The following FAT2 variants were observed in gnomAD, a reference collection of about 807,000 sequenced individuals.
FAT2 encodes the protein protocadherin Fat 2.
FAT2 carries 150 observed loss-of-function variants against 295.3 expected under a neutral mutation model. That is an observed-to-expected ratio of 0.51 (90% CI 0.44 to 0.58). The LOEUF (loss-of-function observed/expected upper bound fraction) is 0.58. FAT2 is among the 20% of genes least tolerant of loss of function. The probability of loss-of-function intolerance (pLI) is 0.00; values close to 1 mark genes in which losing one functional copy is unlikely to be tolerated. For synonymous variants in FAT2, 2,026 were observed against 2,150.3 expected, an observed-to-expected ratio of 0.94 and a Z score of 1.60; for missense variants, 4,868 against 5,442.7, an observed-to-expected ratio of 0.89 and a Z score of 3.32.
At chr5:151,587,803 T>C (rs1224617677) in intron 1 of FAT2, among the ~76,000 whole-genome samples, 1 of 152,198 alleles carries the variant, frequency 6.6e-6, no homozygotes, top group Non-Finnish European at 1.5e-5. Flanking sequence ...GAGTCTCTAT[T>C]CATGGTCTCC....
Position 151,510,050 on chromosome 5 carries a change from A to G in FAT2, c.12030T>C (p.Cys4010=). ...TCILSPKGAS[C]NCPHPYTGDR... is the part of the protein sequence containing the mutation. ...CTCCTGTGTAAGGATGAGGGCAGTTACAGGAAGCTCCTTTGGGGGAGAGGA... is the reference window on the plus strand; with the variant it reads ...CTCCTGTGTAAGGATGAGGGCAGTTGCAGGAAGCTCCTTTGGGGGAGAGGA... The change falls in exon 22 of 24, where the codon TGT becomes TGC. Residue 4010 remains cysteine, a synonymous_variant. Coordinates refer to ENST00000261800, the MANE Select transcript of FAT2 (RefSeq NM_001447.3). The G allele has an allele frequency of 6.2e-7, 1 of 1,614,124 alleles. No homozygotes were observed. The highest frequency in any genetic ancestry group is 1.1e-5 in the South Asian group (1 of 91,070).
chr5:151,588,409 C>G (rs1350308600), intron 1 of FAT2, among the ~76,000 whole-genome samples: 2 of 152,220 alleles, frequency 1.3e-5, no homozygotes, highest in African/African-American at 4.8e-5. Context: ...TGACCTTAGT[C>G]AAGTTACCAG....
chr5:151,539,045 G>A (rs1755821024), intron 11 of FAT2, among the ~76,000 whole-genome samples: 2 of 152,022 alleles, frequency 1.3e-5, no homozygotes, highest in South Asian at 4.2e-4. Context: ...CCATCTCCGG[G>A]AGGGCCAGGG....
rs2127579513 is a variant in FAT2, at chr5:151,521,476, G to A, written c.11117C>T (p.Ser3706Leu). The stretch of plus-strand genomic sequence containing the variant: ...CACTGAATGCTCCATCTCCTTGGCT[G>A]AGTGAGTGATGATGGATGCTAGCTC... ...FQELASIITH[S>L]AKEMEHSVGV... Residue 3706 changes from serine to leucine, a missense_variant, in exon 19 of 24, where the codon TCA (serine) becomes TTA (leucine). Around this residue, in one of 5 missense-constraint regions of FAT2, gnomAD observed 1,046 missense variants for 1,210.1 expected, o/e 0.86. Transcript: ENST00000261800. 2.5e-6 allele frequency: 4 copies of A among 1,614,252 alleles called. No individual in the cohort carries two copies. Among genetic ancestry groups the A allele is most frequent in the Non-Finnish European group, 3.4e-6 (4 of 1,180,034 alleles).
At position 151,528,003 on chromosome 5, in the gene FAT2, C is replaced by T. The variant is rs61738800; in HGVS notation, c.10157G>A (p.Arg3386Gln). The T allele has an allele frequency of 3.5e-5, 57 of 1,613,986 alleles. No individual in the cohort carries two copies. In the African/African-American group the frequency reaches 6.3e-4, roughly 18 times the overall value. The change falls in exon 16 of 24, where the codon CGG (arginine) becomes CAG (glutamine). Residue 3386 changes from arginine (R) to glutamine (Q), a missense_variant. This residue lies in a region of FAT2 where 1,046 missense variants were observed against 1,210.1 expected (regional missense o/e 0.86). Transcript: ENST00000261800. ...CCCTCCCACATGACTCACCTGTTCC[C>T]GGTCCAGGGCCTTGGCCACCTGTAG... is the stretch of plus-strand genomic sequence containing the variant. Reference protein sequence around the residue: ...GELQVAKALDREQASSYSLKL... With the variant: ...GELQVAKALDQEQASSYSLKL...
chr5:151,519,355 C>T (rs1371671283), intron 19 of FAT2, among the ~76,000 whole-genome samples: 1 of 152,108 alleles, frequency 6.6e-6, no homozygotes, highest in South Asian at 2.1e-4. Flanking sequence ...AAAACAAAAA[C>T]AAAAATCCAA....
rs570639324 is a variant in FAT2 at position 151,544,571 on chromosome 5, G to C, written c.6556C>G (p.Leu2186Val). Residue 2186 changes from leucine (L) to valine (V), a missense_variant, in exon 10 of 24, where the codon CTC (leucine) becomes GTC (valine). Coordinates refer to ENST00000261800, the MANE Select transcript of FAT2 (RefSeq NM_001447.3). ...YKVRVPENIT[L>V]YTPILHTQAR... ...TGGGTGTGGAGAATTGGGGTATAGA[G>C]GGTGATATTTTCAGGTACTCTGACT... The C allele has an allele frequency of 6.2e-7, 1 of 1,614,070 alleles. No homozygotes were observed. Among genetic ancestry groups the C allele is most frequent in the Admixed American group, 1.7e-5 (1 of 60,020 alleles).
chr5:151,516,262 C>G (rs1456668727), intron 20 of FAT2, among the ~76,000 whole-genome samples: 1 of 152,222 alleles, frequency 6.6e-6, no homozygotes, highest in African/African-American at 2.4e-5. Flanking sequence ...ATAATCCCAG[C>G]ACTTTGGGAG....
In FAT2 at chr5:151,565,739, C is replaced by A; in HGVS notation, c.3193G>T (p.Gly1065Trp). Residue 1065 changes from glycine (G) to tryptophan (W), a missense_variant, in exon 2 of 24, where the codon GGG (glycine) becomes TGG (tryptophan). This residue lies in a region of FAT2 where 3,297 missense variants were observed against 3,669.4 expected (regional missense o/e 0.90). Transcript: ENST00000261800. Reference protein sequence around the residue: ...AAQDDDSGLDGELQYFLRAGT... With the variant: ...AAQDDDSGLDWELQYFLRAGT... ...GCACGCAGGAAGTACTGGAGCTCCCCATCCAAGCCACTGTCATCGTCCTGG... is the reference window on the plus strand; with the variant it reads ...GCACGCAGGAAGTACTGGAGCTCCCAATCCAAGCCACTGTCATCGTCCTGG... The A allele has an allele frequency of 6.2e-7, 1 of 1,613,966 alleles. No homozygotes were observed. Among genetic ancestry groups the A allele is most frequent in the African/African-American group, 1.3e-5 (1 of 75,002 alleles).
intron 1 of FAT2, among the ~76,000 whole-genome samples, chr5:151,581,580 G>A (rs1758957868): frequency 6.6e-6 from 1 of 152,230 alleles, no homozygotes; most frequent in Admixed American, 6.5e-5. Flanking sequence ...TTGGGTGCCA[G>A]GCCCTGTGGT....
At chr5:151,525,707 G>T (rs932184095) in intron 18 of FAT2, 61 bp downstream of exon 18, 3 of 1,585,494 alleles carry the variant, frequency 1.9e-6, no homozygotes, top group Non-Finnish European at 1.7e-6. Context: ...CACTGGTGGG[G>T]CTTTTGCCAG....
chr5:151,572,030 G>C (rs576991638), intron 1 of FAT2, among the ~76,000 whole-genome samples: 1 of 152,220 alleles, frequency 6.6e-6, no homozygotes, highest in Non-Finnish European at 1.5e-5. Context: ...ATTCCTTCTT[G>C]TCATTCAGTT....
At chr5:151,587,161 CAAAACAAAAAA>C (rs1253275103) in intron 1 of FAT2, among the ~76,000 whole-genome samples, 2 of 138,000 alleles carry the variant, frequency 1.4e-5, no homozygotes, top group Admixed American at 7.0e-5. Flanking sequence ...AAAAACAAAA[CAAAACAAAAAA>C]AAAACAAAAA....
Position 151,565,914 on chromosome 5 carries a change from C to A in FAT2, c.3018G>T (p.Arg1006Ser), listed in dbSNP as rs764080414. ...GGCAGAGAGTCCTGCGGGCTAGGGG[C>A]CTCCCACCATCACTGGCCCACAGGC... is the stretch of plus-strand genomic sequence containing the variant. ...NLSLWASDGG[R>S]PLARRTLCHV... is the part of the protein sequence containing the mutation. Residue 1006 changes from arginine (R) to serine (S), a missense_variant, in exon 2 of 24, where the codon AGG (arginine) becomes AGT (serine). By Grantham distance (110) the Arg-to-Ser change is moderately radical. This residue lies in a region of FAT2 where 3,297 missense variants were observed against 3,669.4 expected (regional missense o/e 0.90). Coordinates refer to ENST00000261800, the MANE Select transcript of FAT2 (RefSeq NM_001447.3). 4 of 1,613,842 alleles carry A rather than the reference C, an allele frequency of 2.5e-6. No homozygotes were observed. Among genetic ancestry groups the A allele is most frequent in the Non-Finnish European group, 2.5e-6 (3 of 1,180,022 alleles).
In FAT2 at chr5:151,543,997, G is replaced by A; in HGVS notation, c.7130C>T (p.Pro2377Leu). Reference sequence around the variant, plus strand: ...TTCATATTGAGGTTGTCTGAACTCTGGGGGGTTGTCATTGATATCAGACAC... The same window carrying A: ...TTCATATTGAGGTTGTCTGAACTCTAGGGGGTTGTCATTGATATCAGACAC... ...VNVSDINDNP[P>L]EFRQPQYEAN... The change falls in exon 10 of 24, where the codon CCA becomes CTA. Residue 2377 changes from proline (P) to leucine (L), a missense_variant. Pro to Leu is a moderately conservative substitution (Grantham distance 98). Around this residue, in one of 5 missense-constraint regions of FAT2, gnomAD observed 3,297 missense variants for 3,669.4 expected, o/e 0.90. Transcript: ENST00000261800. 1 of 1,614,192 alleles carries A rather than the reference G, an allele frequency of 6.2e-7. No homozygotes were observed. The highest frequency in any genetic ancestry group is 8.5e-7 in the Non-Finnish European group (1 of 1,180,038).
chr5:151,537,855 G>A lies in FAT2; in HGVS notation c.9131C>T (p.Ala3044Val), dbSNP rs1755622890. 6.2e-7 allele frequency: 1 copy of A among 1,614,126 alleles called. No homozygotes were observed. Among genetic ancestry groups the A allele is most frequent in the South Asian group, 1.1e-5 (1 of 91,074 alleles). ...GCCATGCAGAGAATATGTGATCTGA[G>A]CATTGGTATCAGTGTCCAAGTCTGT... Reference protein sequence around the residue: ...SATDLDTDTNAQITYSLHGPG... With the variant: ...SATDLDTDTNVQITYSLHGPG... The change falls in exon 12 of 24, where the codon GCT becomes GTT. Residue 3044 changes from alanine to valine, a missense_variant. This residue lies in a region of FAT2 where 1,046 missense variants were observed against 1,210.1 expected (regional missense o/e 0.86). Coordinates refer to ENST00000261800, the MANE Select transcript of FAT2 (RefSeq NM_001447.3).
At chr5:151,536,691 T>A (rs1163786691) in intron 12 of FAT2, among the ~76,000 whole-genome samples, 1 of 152,244 alleles carries the variant, frequency 6.6e-6, no homozygotes, top group Non-Finnish European at 1.5e-5. Flanking sequence ...ACCCATCCAC[T>A]GAGCCAGACC....
intron 16 of FAT2, 112 bp from the exon 17 acceptor site, chr5:151,527,489 G>A: frequency 9.2e-7 from 1 of 1,088,308 alleles, no homozygotes; most frequent in Non-Finnish European, 1.3e-6. Context: ...ACTTTCCTAT[G>A]CCCACCCCCA....
Position 151,507,248 on chromosome 5 carries a change from G to A in FAT2, c.12423C>T (p.Val4141=). 6.2e-7 allele frequency: 1 copy of A among 1,614,194 alleles called. No individual in the cohort carries two copies. The highest frequency in any genetic ancestry group is 8.5e-7 in the Non-Finnish European group (1 of 1,180,012). ...FGPNSKQRPV[V]CSVPPRLPPA... ...GCGGGAGTCTGGGGGGCACACTGCA[G>A]ACCACTGGCCGTTGCTTAGAATTGG... is the stretch of plus-strand genomic sequence containing the variant. The change falls in exon 23 of 24, where the codon GTC becomes GTT. Residue 4141 remains valine (V), a synonymous_variant. Coordinates refer to ENST00000261800, the MANE Select transcript of FAT2 (RefSeq NM_001447.3).
Sources: gnomAD v4.1 joint callset for allele counts (sites outside exome capture counted in the v4.1 genomes callset) on GRCh38, gnomAD v4.1.1 for gene constraint, gnomAD v4.1.1 regional missense constraint, MANE v1.5 for transcripts, NCBI Gene and HGNC (gene_info 2026-07-23, HGNC 2026-07-21) for gene names.